PLA2R1: variants seen among roughly 807,000 people sequenced by gnomAD.
PLA2R1 encodes the protein secretory phospholipase A2 receptor.
A neutral mutation model predicts 195.9 loss-of-function variants in PLA2R1; 158 were observed. The observed-to-expected ratio is 0.81, with a 90% CI of 0.71 to 0.92. The LOEUF is 0.92. Among genes scored for constraint, PLA2R1 ranks in the 40% least tolerant of loss-of-function variants. The pLI, the probability that PLA2R1 is intolerant of heterozygous loss-of-function variation, is 0.00. For missense variants in PLA2R1, 1,626 were observed against 1,764.6 expected (o/e 0.92, Z 1.41); for synonymous variants, 586 against 598.2 (o/e 0.98, Z 0.30).
chr2:159,943,342 G>C (rs1383511626), intron 28 of PLA2R1, among the ~76,000 whole-genome samples: 1 of 152,104 alleles, frequency 6.6e-6, no homozygotes, highest in Non-Finnish European at 1.5e-5. Context: ...ATGTATTATT[G>C]TGTTTTTATG....
chr2:159,981,451 T>A (rs1320504223), intron 13 of PLA2R1, among the ~76,000 whole-genome samples: 3 of 152,094 alleles, frequency 2.0e-5, no homozygotes, highest in African/African-American at 7.2e-5. Context: ...TCGCCCAGGT[T>A]GGAGTATAGT....
rs150531700 is a variant in PLA2R1, at chr2:159,951,619, G to A, written c.3302-41C>T. On this transcript the variant is annotated intron_variant, in intron 23 of 29. Coordinates refer to ENST00000283243, the MANE Select transcript of PLA2R1 (RefSeq NM_007366.5). ...CAACAAAAGTCATTTGCAGCATCTG[G>A]ATGACAAAGGAAGAGGCAAAGCTTA... 48 of 997,526 alleles carry A rather than the reference G, an allele frequency of 4.8e-5. No homozygotes were observed. The East Asian group carries it at 1.1e-3, about 23-fold the overall frequency. The allele number at this position is 997,526 out of a possible 1,614,324, so 61.8% of individuals were successfully genotyped here. A position where few individuals can be genotyped will look rare whatever the true frequency, so the allele number is the denominator to read the frequency against.
At chr2:160,013,803 G>A (rs1042192765) in intron 9 of PLA2R1, among the ~76,000 whole-genome samples, 1 of 151,064 alleles carries the variant, frequency 6.6e-6, no homozygotes, top group Admixed American at 6.6e-5. Flanking sequence ...CGACAGGAGG[G>A]TAGAAATTAA....
In PLA2R1 at chr2:160,033,120, A is replaced by C. The variant is rs1381717622; in HGVS notation, c.680T>G (p.Val227Gly). The change falls in exon 4 of 30, where the codon GTA becomes GGA. Residue 227 changes from valine to glycine, a missense_variant. By Grantham distance (109) the Val-to-Gly change is moderately radical. Coordinates refer to ENST00000283243, the MANE Select transcript of PLA2R1 (RefSeq NM_007366.5). ...CTTCTCCCAAATAGTATCACAACCT[A>C]CTTCTGCAGAGGCTGGAAACAATGG... ...GFCPDPTSAEVGCDTIWEKDL... is the reference protein window; with the variant it reads ...GFCPDPTSAEGGCDTIWEKDL... 1 of 1,610,118 alleles carries C rather than the reference A, an allele frequency of 6.2e-7. No individual in the cohort carries two copies. Among genetic ancestry groups the C allele is most frequent in the African/African-American group, 1.3e-5 (1 of 74,728 alleles).
the PLA2R1 span, among the ~76,000 whole-genome samples, chr2:159,926,588 G>A: frequency 8.0e-4 from 122 of 152,324 alleles, no homozygotes; most frequent in African/African-American, 2.8e-3. Context: ...TGGCTAAATA[G>A]TGAGCCATTC....
In PLA2R1 at chr2:159,937,368, C is replaced by A. The variant is rs1686883618; in HGVS notation, c.*4410G>T. The A allele has an allele frequency of 6.6e-6, 1 of 152,138 alleles. No individual in the cohort carries two copies. The highest frequency in any genetic ancestry group is 6.5e-5 in the Admixed American group (1 of 15,284). The allele number at this position is 152,138 out of a possible 1,614,324, so 9.4% of individuals were successfully genotyped here. A position where few individuals can be genotyped will look rare whatever the true frequency, so the allele number is the denominator to read the frequency against. On this transcript the variant is annotated 3_prime_UTR_variant, in exon 30 of 30. Coordinates refer to ENST00000283243, the MANE Select transcript of PLA2R1 (RefSeq NM_007366.5). The stretch of plus-strand genomic sequence containing the variant: ...CCTTTACCCTATTACAAGCTTTAAT[C>A]AGAACACAAGAGCAGCAGATTTAGT...
At chr2:159,969,516 T>C (rs1041242728) in intron 18 of PLA2R1, among the ~76,000 whole-genome samples, 157 bp from the exon 19 acceptor site, 17 of 152,194 alleles carry the variant, frequency 1.1e-4, no homozygotes, top group African/African-American at 3.6e-4. Flanking sequence ...GTTAACAATA[T>C]TGTATCATAT....
chr2:159,963,852 T>C (rs1560152380), intron 20 of PLA2R1, among the ~76,000 whole-genome samples: 1 of 152,160 alleles, frequency 6.6e-6, no homozygotes, highest in African/African-American at 2.4e-5. Context: ...AGTTACCATA[T>C]GACCCAGCAA....
At chr2:159,973,164 G>T (rs953719746) in intron 17 of PLA2R1, among the ~76,000 whole-genome samples, 1 of 152,186 alleles carries the variant, frequency 6.6e-6, no homozygotes, top group Admixed American at 6.6e-5. Flanking sequence ...CCTCATCCTG[G>T]AATGAAGTAA....
In PLA2R1 at chr2:160,042,103, G is replaced by A. The variant is rs774780120; in HGVS notation, c.589C>T (p.Arg197Trp). 1.4e-5 allele frequency: 23 copies of A among 1,613,924 alleles called. No homozygotes were observed. The Admixed American group carries it at 1.8e-4, about 13-fold the overall frequency. The change falls in exon 3 of 30, where the codon CGG becomes TGG. Residue 197 changes from arginine (R) to tryptophan (W), a missense_variant. Physicochemically the swap from Arg to Trp is moderately radical, Grantham distance 101 (BLOSUM62 -3). Coordinates refer to ENST00000283243, the MANE Select transcript of PLA2R1 (RefSeq NM_007366.5). ...QWHHECTREG[R>W]EDDLLWCATT... ...GCACACCACAGTAAGTCATCTTCCCGACCTTCACGGGTACATTCATGATGC... is the reference window on the plus strand; with the variant it reads ...GCACACCACAGTAAGTCATCTTCCCAACCTTCACGGGTACATTCATGATGC...
intron 11 of PLA2R1, among the ~76,000 whole-genome samples, chr2:159,989,132 G>A (rs1690573093): frequency 6.6e-6 from 1 of 152,208 alleles, no homozygotes; most frequent in African/African-American, 2.4e-5. Context: ...TGCATCCAAA[G>A]GCCATCGGAT....
chr2:159,972,505 G>C (rs1689258406), intron 17 of PLA2R1, among the ~76,000 whole-genome samples: 1 of 152,162 alleles, frequency 6.6e-6, no homozygotes, highest in Non-Finnish European at 1.5e-5. Context: ...ACCCCACAGT[G>C]ACAGTCACTA....
At chr2:159,996,662 G>T (rs1014163289) in intron 11 of PLA2R1, among the ~76,000 whole-genome samples, 1 of 151,784 alleles carries the variant, frequency 6.6e-6, no homozygotes, top group Non-Finnish European at 1.5e-5. Context: ...TTTTCCTTCT[G>T]ATATTCCCAT....
chr2:160,051,902 T>C (rs1695234962), intron 1 of PLA2R1, among the ~76,000 whole-genome samples: 1 of 152,236 alleles, frequency 6.6e-6, no homozygotes, highest in African/African-American at 2.4e-5. Flanking sequence ...GTGTCTCTTA[T>C]TCTGAAACTT....
At chr2:160,047,607 T>A (rs1694952803) in intron 1 of PLA2R1, among the ~76,000 whole-genome samples, 1 of 152,200 alleles carries the variant, frequency 6.6e-6, no homozygotes, top group South Asian at 2.1e-4. Flanking sequence ...TAACAAAATA[T>A]TTGCCTCCTT....
intron 12 of PLA2R1, 97 bp from the exon 13 acceptor site, chr2:159,984,170 A>C (rs1690163210): frequency 1.7e-6 from 1 of 581,086 alleles, no homozygotes; most frequent in South Asian, 2.9e-5. Flanking sequence ...CATAATCATC[A>C]TTATTATTTA....
chr2:160,042,006 A>C lies in PLA2R1; in HGVS notation c.667+19T>G, dbSNP rs929168031. ...TTGATTCATTCATGACATATAGAGAAGACAAAATTTATTCTTACTGGGATC... is the reference window on the plus strand; with the variant it reads ...TTGATTCATTCATGACATATAGAGACGACAAAATTTATTCTTACTGGGATC... On this transcript the variant is annotated intron_variant, in intron 3 of 29. Transcript: ENST00000283243. 5 of 1,597,906 alleles carry C rather than the reference A, an allele frequency of 3.1e-6. No individual in the cohort carries two copies. In the African/African-American group the frequency reaches 5.4e-5, roughly 17 times the overall value.
chr2:159,933,397 G>C lies in PLA2R1; in HGVS notation c.*8381C>G, dbSNP rs188474389. Reference sequence around the variant, plus strand: ...TATTCTGACCCCAAGCTAAAAACTTGCTTTCTAACTCAAAAAATACTAAAG... The same window carrying C: ...TATTCTGACCCCAAGCTAAAAACTTCCTTTCTAACTCAAAAAATACTAAAG... On this transcript the variant is annotated 3_prime_UTR_variant, in exon 30 of 30. Coordinates refer to ENST00000283243, the MANE Select transcript of PLA2R1 (RefSeq NM_007366.5). The C allele has an allele frequency of 6.6e-5, 10 of 152,238 alleles. No individual in the cohort carries two copies. Among genetic ancestry groups the C allele is most frequent in the African/African-American group, 2.2e-4 (9 of 41,520 alleles). 9.4% of individuals were successfully genotyped at this position (152,238 alleles called of 1,614,324 possible). A position where few individuals can be genotyped will look rare whatever the true frequency, so the allele number is the denominator to read the frequency against.
chr2:159,978,156 A>G (rs1171044606), intron 14 of PLA2R1, among the ~76,000 whole-genome samples: 2 of 152,042 alleles, frequency 1.3e-5, no homozygotes, highest in Non-Finnish European at 2.9e-5. Flanking sequence ...TTTTGTCTCT[A>G]ATAACTAAAT....
Sources: gnomAD v4.1 joint callset for allele counts (sites outside exome capture counted in the v4.1 genomes callset) on GRCh38, gnomAD v4.1.1 for gene constraint, MANE v1.5 for transcripts, NCBI Gene and HGNC (gene_info 2026-07-23, HGNC 2026-07-21) for gene names.